Variants in PTPRR observed in about 807,000 individuals in gnomAD.
PTPRR encodes protein tyrosine phosphatase receptor type R.
In PTPRR, 38 loss-of-function variants were observed where a neutral mutation model predicts 77.2. That is an observed-to-expected ratio of 0.49 (90% CI 0.38 to 0.65). The LOEUF (loss-of-function observed/expected upper bound fraction) is 0.65. Among genes scored for constraint, PTPRR ranks in the 30% least tolerant of loss-of-function variants. The pLI is 0.00. For missense variants in PTPRR, 744 were observed against 799.2 expected, an observed-to-expected ratio of 0.93 and a Z score of 0.83; for synonymous variants, 299 against 283.1, an observed-to-expected ratio of 1.06 and a Z score of -0.57.
chr12:70,694,238 A>T, intron 8 of PTPRR, among the ~76,000 whole-genome samples: 1 of 152,342 alleles, frequency 6.6e-6, no homozygotes, highest in South Asian at 2.1e-4. Flanking sequence ...ACATTATTAG[A>T]TGTTAAAATT....
intron 11 of PTPRR, 41 bp downstream of exon 11, chr12:70,662,454 C>T: frequency 8.3e-7 from 1 of 1,199,048 alleles, no homozygotes; most frequent in Non-Finnish European, 1.2e-6. Flanking sequence ...AATCCTCTAA[C>T]ATCATCTACT....
intron 1 of PTPRR, among the ~76,000 whole-genome samples, chr12:70,900,209 AAAT>A (rs1489607342): frequency 1.3e-5 from 2 of 151,514 alleles, no homozygotes; most frequent in African/African-American, 4.8e-5. Flanking sequence ...AATTTTGAAA[AAAT>A]AATAAAGTTA....
intron 1 of PTPRR, among the ~76,000 whole-genome samples, chr12:70,895,402 AATTGGCCTACCG>A (rs1477621054): frequency 6.6e-6 from 1 of 151,602 alleles, no homozygotes; most frequent in Non-Finnish European, 1.5e-5. Context: ...TGCATGCTAA[AATTGGCCTACCG>A]AGAAAGGGAC....
At chr12:70,671,515 T>A (rs1887222952) in intron 10 of PTPRR, among the ~76,000 whole-genome samples, 1 of 152,132 alleles carries the variant, frequency 6.6e-6, no homozygotes. Flanking sequence ...ATTTCTCCAA[T>A]TTCTGAATTA....
intron 6 of PTPRR, among the ~76,000 whole-genome samples, chr12:70,733,847 T>G (rs867021840): frequency 6.6e-6 from 1 of 152,256 alleles, no homozygotes; most frequent in Non-Finnish European, 1.5e-5. Context: ...GATTCTTCAC[T>G]GTTCTGCTCT....
intron 2 of PTPRR, among the ~76,000 whole-genome samples, chr12:70,856,336 C>T (rs1000387770): frequency 6.6e-6 from 1 of 152,118 alleles, no homozygotes; most frequent in African/African-American, 2.4e-5. Flanking sequence ...GGAAAATCAT[C>T]TAATCTGTCT....
intron 2 of PTPRR, among the ~76,000 whole-genome samples, chr12:70,775,607 A>G (rs577854346): frequency 6.6e-6 from 1 of 152,220 alleles, no homozygotes. Flanking sequence ...GACCACACCC[A>G]GTGGTCCAGT....
At chr12:70,806,281 A>G (rs982892587) in intron 2 of PTPRR, among the ~76,000 whole-genome samples, 2 of 152,296 alleles carry the variant, frequency 1.3e-5, no homozygotes, top group East Asian at 3.9e-4. Flanking sequence ...AGAGAGAGAG[A>G]ACATTTCAGC....
intron 6 of PTPRR, among the ~76,000 whole-genome samples, chr12:70,717,173 A>G (rs541010192): frequency 6.6e-6 from 1 of 152,294 alleles, no homozygotes; most frequent in South Asian, 2.1e-4. Flanking sequence ...AAAAATCATA[A>G]TATTTATCTG....
At chr12:70,793,992 T>C (rs559368808) in intron 2 of PTPRR, among the ~76,000 whole-genome samples, 4 of 152,316 alleles carry the variant, frequency 2.6e-5, no homozygotes, top group African/African-American at 9.6e-5. Context: ...CCATTTTCCA[T>C]GAACTTTTTG....
At chr12:70,903,216 TTG>T (rs1036009668) in intron 1 of PTPRR, among the ~76,000 whole-genome samples, 1 of 151,844 alleles carries the variant, frequency 6.6e-6, no homozygotes, top group African/African-American at 2.4e-5. Context: ...CAATAATTTA[TTG>T]TGTATTTCAA....
At chr12:70,720,035 T>G (rs1312491459) in intron 6 of PTPRR, among the ~76,000 whole-genome samples, 1 of 152,256 alleles carries the variant, frequency 6.6e-6, no homozygotes, top group Non-Finnish European at 1.5e-5. Context: ...ACCATCGCTC[T>G]TCTCAAAGTG....
At chr12:70,787,236 T>G (rs185510625) in intron 2 of PTPRR, among the ~76,000 whole-genome samples, 1 of 152,338 alleles carries the variant, frequency 6.6e-6, no homozygotes, top group African/African-American at 2.4e-5. Context: ...CTATGTCTGA[T>G]CTAATTATTA....
chr12:70,805,797 T>C (rs187021126), intron 2 of PTPRR, among the ~76,000 whole-genome samples: 146 of 152,338 alleles, frequency 9.6e-4, no homozygotes, highest in African/African-American at 3.2e-3. Context: ...CAAGATTATA[T>C]AGGTTGTAAG....
At chr12:70,820,613 G>C (rs948745245) in intron 2 of PTPRR, among the ~76,000 whole-genome samples, 1 of 152,200 alleles carries the variant, frequency 6.6e-6, no homozygotes, top group Non-Finnish European at 1.5e-5. Flanking sequence ...GATTACAGGC[G>C]TGAGCCACTG....
rs565054884 is a variant in PTPRR at position 70,685,667 on chromosome 12, A to G, written c.1280-884T>C. Reference sequence around the variant, plus strand: ...CCTGTCTCAAAAACAAAAACGAAACAAAACAAAACAAAACAAAAAACTATG... The same window carrying G: ...CCTGTCTCAAAAACAAAAACGAAACGAAACAAAACAAAACAAAAAACTATG... On this transcript the variant is annotated intron_variant, in intron 8 of 13. Transcript: ENST00000283228. 1.3e-3 allele frequency among the ~76,000 whole-genome samples: 184 copies of G among 145,996 alleles called. 1 individual carries two copies. The highest frequency in any genetic ancestry group is 4.4e-3 in the African/African-American group (158 of 35,726).
At chr12:70,804,700 G>C (rs1891678792) in intron 2 of PTPRR, among the ~76,000 whole-genome samples, 1 of 152,142 alleles carries the variant, frequency 6.6e-6, no homozygotes, top group African/African-American at 2.4e-5. Context: ...ACAGAAATGG[G>C]ATTAGAATCA....
At position 70,840,395 on chromosome 12, in the gene PTPRR, C is replaced by T. The variant is rs748922183; in HGVS notation, c.357+52284G>A. On this transcript the variant is annotated intron_variant, in intron 2 of 13. Coordinates refer to ENST00000283228, the MANE Select transcript of PTPRR (RefSeq NM_002849.4). ...TTTGGGTCCAGAAATCCAGGATCAG[C>T]TTCTATGTCAAGGTCAGCTGATTAG... Among the ~76,000 whole-genome samples the T allele has an allele frequency of 4.6e-5, 7 of 152,286 alleles. No individual in the cohort carries two copies. The South Asian group carries it at 1.0e-3, about 23-fold the overall frequency.
chr12:70,882,178 G>A (rs74399686), intron 2 of PTPRR, among the ~76,000 whole-genome samples: 4,337 of 152,220 alleles, frequency 0.028, 100 homozygotes, highest in Non-Finnish European at 0.045. Flanking sequence ...CTAATCCTGC[G>A]CAAGAGAAAG....
Sources: allele counts gnomAD v4.1 joint callset (sites outside exome capture counted in the v4.1 genomes callset), GRCh38; gene constraint gnomAD v4.1.1; transcripts MANE v1.5; gene names NCBI Gene and HGNC (gene_info 2026-07-23, HGNC 2026-07-21).